Variants in UBASH3B observed in about 807,000 individuals in gnomAD.
The protein encoded by UBASH3B is ubiquitin-associated and SH3 domain-containing protein B.
UBASH3B carries 37 observed loss-of-function variants against 83.4 expected under a neutral mutation model. The ratio of observed to expected loss-of-function variants is 0.44; its 90% CI spans 0.34 to 0.58. The LOEUF is 0.58. Among genes scored for constraint, UBASH3B ranks in the 20% least tolerant of loss-of-function variants. The probability of loss-of-function intolerance (pLI) is 0.01; values close to 1 mark genes in which losing one functional copy is unlikely to be tolerated. For missense variants in UBASH3B, 657 were observed against 827.2 expected, an observed-to-expected ratio of 0.79 and a Z score of 2.52; for synonymous variants, 304 against 318.3, an observed-to-expected ratio of 0.96 and a Z score of 0.48.
intron 1 of UBASH3B, among the ~76,000 whole-genome samples, chr11:122,692,631 C>G (rs1352092608): frequency 6.6e-6 from 1 of 152,224 alleles, no homozygotes; most frequent in Non-Finnish European, 1.5e-5. Context: ...CGAGGGCACG[C>G]TGGTCAAAGA....
intron 1 of UBASH3B, among the ~76,000 whole-genome samples, chr11:122,690,716 A>G (rs949436995): frequency 1.3e-5 from 2 of 152,094 alleles, no homozygotes; most frequent in African/African-American, 4.8e-5. Context: ...GCTCCCTCCA[A>G]AACTCACGCT....
chr11:122,807,642 C>G (rs1861363911), intron 12 of UBASH3B, among the ~76,000 whole-genome samples: 1 of 152,124 alleles, frequency 6.6e-6, no homozygotes, highest in African/African-American at 2.4e-5. Context: ...CCTCAATCTC[C>G]TGGGCTCAAG....
chr11:122,761,025 A>G (rs1402864308), intron 1 of UBASH3B, among the ~76,000 whole-genome samples: 2 of 152,212 alleles, frequency 1.3e-5, no homozygotes, highest in Non-Finnish European at 2.9e-5. Flanking sequence ...TTGACTGCGC[A>G]GGAGTTTTTG....
chr11:122,764,837 G>T (rs924595621), intron 1 of UBASH3B, among the ~76,000 whole-genome samples: 14 of 152,194 alleles, frequency 9.2e-5, no homozygotes, highest in African/African-American at 3.4e-4. Flanking sequence ...ACACCCAACT[G>T]CTCTGCACAC....
chr11:122,802,131 A>G (rs1861267661), intron 11 of UBASH3B, among the ~76,000 whole-genome samples: 1 of 152,138 alleles, frequency 6.6e-6, no homozygotes, highest in Non-Finnish European at 1.5e-5. Flanking sequence ...CCTGTCCAAC[A>G]TGGTGAAACC....
chr11:122,776,992 C>T (rs376902838), intron 2 of UBASH3B, 32 bp from the exon 3 acceptor site: 36 of 1,542,670 alleles, frequency 2.3e-5, no homozygotes, highest in East Asian at 1.2e-4. Context: ...TATTCTCAAG[C>T]GACACCTTGT....
intron 1 of UBASH3B, among the ~76,000 whole-genome samples, chr11:122,727,753 G>C (rs990695830): frequency 6.6e-6 from 1 of 152,186 alleles, no homozygotes; most frequent in Non-Finnish European, 1.5e-5. Context: ...TCTCTCAGAC[G>C]TGGACTTGGC....
rs139553698 is a variant in UBASH3B, at chr11:122,777,111, A to T, written c.303A>T (p.Ala101=). ...VLYLRPTGPL[A]QKLSDFWQQS... ...ACCTCCGTCCCACCGGCCCCTTAGC[A>T]CAGAAGCTTTCCGACTTTTGGCAGC... The change falls in exon 3 of 14, where the codon GCA becomes GCT. Residue 101 remains alanine (A), a synonymous_variant. Coordinates refer to ENST00000284273, the MANE Select transcript of UBASH3B (RefSeq NM_032873.5). 3.0e-5 allele frequency: 49 copies of T among 1,613,762 alleles called. No individual in the cohort carries two copies. Among genetic ancestry groups the T allele is most frequent in the South Asian group, 1.6e-4 (15 of 91,072 alleles).
chr11:122,709,112 T>C (rs992923918), intron 1 of UBASH3B: 3 of 152,288 alleles, frequency 2.0e-5, no homozygotes, highest in Non-Finnish European at 4.4e-5. Flanking sequence ...CTGGGTGTGG[T>C]GGCACATGCC....
chr11:122,723,032 G>C (rs922403493), intron 1 of UBASH3B, among the ~76,000 whole-genome samples: 2 of 152,180 alleles, frequency 1.3e-5, no homozygotes, highest in Non-Finnish European at 2.9e-5. Flanking sequence ...TCGCCATGGG[G>C]CTATAATACT....
intron 1 of UBASH3B, chr11:122,774,032 T>C (rs1357799891): frequency 1.0e-6 from 1 of 985,334 alleles, no homozygotes; most frequent in South Asian, 4.7e-5. Context: ...ATTTGTGTTG[T>C]TTTGTGCATA....
intron 1 of UBASH3B, among the ~76,000 whole-genome samples, chr11:122,673,986 GTGT>G (rs1471220740): frequency 2.6e-5 from 4 of 152,190 alleles, no homozygotes; most frequent in African/African-American, 7.2e-5. Flanking sequence ...TAATAGGGCT[GTGT>G]TGTTGTTTTT....
At chr11:122,662,363 C>G (rs1863455824) in intron 1 of UBASH3B, among the ~76,000 whole-genome samples, 1 of 152,122 alleles carries the variant, frequency 6.6e-6, no homozygotes, top group Non-Finnish European at 1.5e-5. Context: ...TTCGTTTGTA[C>G]CCCTTTGTGG....
intron 1 of UBASH3B, among the ~76,000 whole-genome samples, chr11:122,676,629 G>A (rs118156616): frequency 0.019 from 2,914 of 152,178 alleles, 29 homozygotes; most frequent in Non-Finnish European, 0.03. Context: ...AGGATTGCTT[G>A]AGCCCAGGAG....
intron 5 of UBASH3B, among the ~76,000 whole-genome samples, chr11:122,788,686 G>T (rs1194884030): frequency 2.6e-5 from 4 of 151,972 alleles, no homozygotes; most frequent in African/African-American, 9.7e-5. Flanking sequence ...TGTAACCCCC[G>T]TATGGAAGAC....
intron 1 of UBASH3B, among the ~76,000 whole-genome samples, chr11:122,721,119 C>T (rs1422319184): frequency 6.6e-6 from 1 of 151,922 alleles, no homozygotes; most frequent in East Asian, 1.9e-4. Context: ...GTGGCGTGTG[C>T]CTGTAGTCCC....
Position 122,774,393 on chromosome 11 carries a change from C to G in UBASH3B, c.162-1826C>G, listed in dbSNP as rs1041519938. The G allele has an allele frequency of 8.6e-6, 7 of 811,616 alleles. No homozygotes were observed. The Admixed American group carries it at 2.5e-4, about 29-fold the overall frequency. The allele number at this position is 811,616 out of a possible 1,614,324, so 50.3% of individuals were successfully genotyped here. On this transcript the variant is annotated intron_variant, in intron 1 of 13. Transcript: ENST00000284273. ...GTCTTTAACTTGTCTTTCTGTGGAGCAGAACAACAGAGGCTGGCCTTTGCT... is the reference window on the plus strand; with the variant it reads ...GTCTTTAACTTGTCTTTCTGTGGAGGAGAACAACAGAGGCTGGCCTTTGCT...
In UBASH3B at chr11:122,794,844, A is replaced by T. The variant is rs1438695795; in HGVS notation, c.1113+10A>T. On this transcript the variant is annotated intron_variant, in intron 7 of 13. Transcript: ENST00000284273. ...CTGCCAGCCCATGCAGGTAAGGCTG[A>T]TTGCTAGGGTCACACCCCCAACTCT... is the stretch of plus-strand genomic sequence containing the variant. 6.2e-7 allele frequency: 1 copy of T among 1,612,956 alleles called. No homozygotes were observed. The highest frequency in any genetic ancestry group is 8.5e-7 in the Non-Finnish European group (1 of 1,179,912).
chr11:122,656,097 G>C lies in UBASH3B; in HGVS notation c.48G>C (p.Glu16Asp), dbSNP rs1863356791. ...HPSPLGMAAR[E>D]ELYSKVTPRR... Reference sequence around the variant, plus strand: ...GTCCGCTCGGCATGGCTGCGAGAGAGGAGCTGTACAGCAAAGTCACCCCCC... The same window carrying C: ...GTCCGCTCGGCATGGCTGCGAGAGACGAGCTGTACAGCAAAGTCACCCCCC... The change falls in exon 1 of 14, where the codon GAG becomes GAC. Residue 16 changes from glutamate to aspartate, a missense_variant. By Grantham distance (45) the Glu-to-Asp change is conservative (BLOSUM62 2). This residue lies in a region of UBASH3B where 78 missense variants were observed against 68.4 expected (regional missense o/e 1.14). Transcript: ENST00000284273. The C allele has an allele frequency of 1.9e-6, 3 of 1,602,128 alleles. No homozygotes were observed. The highest frequency in any genetic ancestry group is 2.6e-6 in the Non-Finnish European group (3 of 1,175,586).
Sources: allele counts gnomAD v4.1 joint callset (sites outside exome capture counted in the v4.1 genomes callset), GRCh38; gene constraint gnomAD v4.1.1; regional missense constraint gnomAD v4.1.1; transcripts MANE v1.5; gene names NCBI Gene and HGNC (gene_info 2026-07-23, HGNC 2026-07-21).